GRIK2: variants seen among roughly 807,000 people sequenced by gnomAD.
GRIK2 encodes glutamate receptor ionotropic, kainate 2.
Under a neutral mutation model 100.3 loss-of-function variants are expected in GRIK2, and 32 were observed. That is an observed-to-expected ratio of 0.32 (90% CI 0.24 to 0.43). The LOEUF (loss-of-function observed/expected upper bound fraction) is 0.43. Ranked by LOEUF, GRIK2 falls within the 20% of genes least tolerant of loss-of-function variation. The pLI, the probability that GRIK2 is intolerant of heterozygous loss-of-function variation, is 1.00. For missense variants in GRIK2, 843 were observed against 1,114.9 expected, an observed-to-expected ratio of 0.76 and a Z score of 3.47; for synonymous variants, 417 against 389.4, an observed-to-expected ratio of 1.07 and a Z score of -0.83.
chr6:101,785,185 C>T (rs1265555184), intron 7 of GRIK2, among the ~76,000 whole-genome samples: 1 of 151,534 alleles, frequency 6.6e-6, no homozygotes, highest in African/African-American at 2.4e-5. Context: ...GTTGTTTGAG[C>T]TTCTTTTATA....
intron 14 of GRIK2, among the ~76,000 whole-genome samples, chr6:102,020,717 A>G (rs13201987): frequency 0.27 from 40,833 of 151,732 alleles, 5,940 homozygotes; most frequent in East Asian, 0.34. Context: ...ATTTGTCAAT[A>G]GCTATTCCTG....
intron 7 of GRIK2, among the ~76,000 whole-genome samples, chr6:101,751,494 A>G (rs1321045970): frequency 6.6e-6 from 1 of 152,216 alleles, no homozygotes; most frequent in Non-Finnish European, 1.5e-5. Flanking sequence ...TGGGCTTTAA[A>G]AACCATATAT....
At chr6:101,635,237 G>T (rs963436657) in intron 4 of GRIK2, among the ~76,000 whole-genome samples, 4 of 151,982 alleles carry the variant, frequency 2.6e-5, no homozygotes, top group African/African-American at 9.7e-5. Context: ...TAATTATTTG[G>T]ATATACTTGA....
At chr6:101,918,596 T>A (rs1402681402) in intron 12 of GRIK2, among the ~76,000 whole-genome samples, 2 of 151,756 alleles carry the variant, frequency 1.3e-5, no homozygotes, top group African/African-American at 4.8e-5. Context: ...GCTTTGCACA[T>A]ATTATCTCTC....
At chr6:101,925,987 T>C (rs1789862820) in intron 13 of GRIK2, among the ~76,000 whole-genome samples, 1 of 151,546 alleles carries the variant, frequency 6.6e-6, no homozygotes, top group Non-Finnish European at 1.5e-5. Flanking sequence ...GCCTACTAAA[T>C]TGAAATGTTT....
intron 15 of GRIK2, among the ~76,000 whole-genome samples, chr6:102,051,332 CT>C (rs768038831): frequency 8.0e-6 from 1 of 125,228 alleles, no homozygotes. Flanking sequence ...CAAGCTAGGA[CT>C]TTTTTTTACT....
chr6:101,632,999 T>C lies in GRIK2; in HGVS notation c.541+6362T>C, dbSNP rs189812325. 2.7e-3 allele frequency among the ~76,000 whole-genome samples: 413 copies of C among 152,240 alleles called. 3 individuals are homozygous for C. The highest frequency in any genetic ancestry group is 4.1e-3 in the Admixed American group (62 of 15,266). On this transcript the variant is annotated intron_variant, in intron 4 of 16. Transcript: ENST00000369134. ...TGTGCAACATGTGTAAATGTGAAGA[T>C]GACTGAGGGAGCCAGTTTGTCAGGA...
At chr6:101,540,097 T>C (rs951428859) in intron 2 of GRIK2, among the ~76,000 whole-genome samples, 6 of 151,868 alleles carry the variant, frequency 4.0e-5, no homozygotes, top group Non-Finnish European at 8.8e-5. Context: ...TTTTTAGATA[T>C]TCATTCAGAA....
Position 101,889,605 on chromosome 6 carries a change from C to CTTTTTTTTTTTTTTTTTTTTTTTTTTTT in GRIK2, c.1525-19_1525-18insTTTTTTTTTTTTTTTTTTTTTTTTTTTT. The CTTTTTTTTTTTTTTTTTTTTTTTTTTTT allele has an allele frequency of 1.5e-5, 11 of 711,240 alleles. 3 individuals carry two copies. The highest frequency in any genetic ancestry group is 6.0e-5 in the East Asian group (2 of 33,452). 44.1% of individuals were successfully genotyped at this position (711,240 alleles called of 1,614,324 possible). A position where few individuals can be genotyped will look rare whatever the true frequency, so the allele number is the denominator to read the frequency against. On this transcript the variant is annotated intron_variant, in intron 11 of 16. Coordinates refer to ENST00000369134, the MANE Select transcript of GRIK2 (RefSeq NM_021956.5). ...CAATTTTTTCTCTCTTTCTTTCTTT[C>CTTTTTTTTTTTTTTTTTTTTTTTTTTTT]TTTTTTTTTTTTTTTTGTTTGTTTC...
At chr6:101,573,495 C>CA (rs1351324610) in intron 2 of GRIK2, among the ~76,000 whole-genome samples, 2 of 152,188 alleles carry the variant, frequency 1.3e-5, no homozygotes, top group Non-Finnish European at 2.9e-5. Flanking sequence ...CTCTAATACT[C>CA]ACGTTGTTTC....
chr6:101,915,687 A>G (rs1349603451), intron 12 of GRIK2, among the ~76,000 whole-genome samples: 1 of 151,394 alleles, frequency 6.6e-6, no homozygotes, highest in Non-Finnish European at 1.5e-5. Context: ...AAAAGAATGT[A>G]ATGGCAGTGA....
chr6:101,680,157 T>A (rs1771139521), intron 5 of GRIK2, among the ~76,000 whole-genome samples: 1 of 152,208 alleles, frequency 6.6e-6, no homozygotes, highest in Admixed American at 6.5e-5. Context: ...CATAGATTTC[T>A]TCTCAAGGTG....
intron 7 of GRIK2, among the ~76,000 whole-genome samples, chr6:101,758,294 G>C (rs976258441): frequency 6.6e-6 from 1 of 152,136 alleles, no homozygotes; most frequent in African/African-American, 2.4e-5. Flanking sequence ...TATAAATGAT[G>C]AGTTAAAGCA....
At chr6:101,642,307 AAAAATATTCACATT>A (rs1781310277) in intron 4 of GRIK2, among the ~76,000 whole-genome samples, 1 of 151,828 alleles carries the variant, frequency 6.6e-6, no homozygotes, top group Admixed American at 6.6e-5. Context: ...CAGTAGTGTT[AAAAATATTCACATT>A]GTAGTGCAAC....
At chr6:101,539,633 T>G (rs1239537318) in intron 2 of GRIK2, among the ~76,000 whole-genome samples, 1 of 151,928 alleles carries the variant, frequency 6.6e-6, no homozygotes, top group African/African-American at 2.4e-5. Flanking sequence ...GTGGGCCTTC[T>G]TTTATCTTTT....
intron 11 of GRIK2, among the ~76,000 whole-genome samples, chr6:101,877,443 A>G (rs994149668): frequency 6.6e-6 from 1 of 151,984 alleles, no homozygotes; most frequent in Non-Finnish European, 1.5e-5. Context: ...GATTTAAAGT[A>G]TACAGGAGGA....
chr6:101,853,801 C>T (rs1469189904), intron 10 of GRIK2, among the ~76,000 whole-genome samples: 1 of 152,022 alleles, frequency 6.6e-6, no homozygotes, highest in East Asian at 1.9e-4. Context: ...ATGGAGGAAA[C>T]TTAAATGCTT....
intron 14 of GRIK2, among the ~76,000 whole-genome samples, chr6:102,018,872 T>A (rs1330223927): frequency 6.6e-6 from 1 of 152,080 alleles, no homozygotes; most frequent in Non-Finnish European, 1.5e-5. Context: ...TGTTTAATGA[T>A]TGTAGTAAGA....
intron 7 of GRIK2, among the ~76,000 whole-genome samples, chr6:101,694,317 A>T (rs1772321566): frequency 6.6e-6 from 1 of 152,166 alleles, no homozygotes; most frequent in Non-Finnish European, 1.5e-5. Flanking sequence ...CGGCACTCAG[A>T]TTCTAACCTG....
Sources: gnomAD v4.1 joint callset for allele counts (sites outside exome capture counted in the v4.1 genomes callset) on GRCh38, gnomAD v4.1.1 for gene constraint, MANE v1.5 for transcripts, NCBI Gene and HGNC (gene_info 2026-07-23, HGNC 2026-07-21) for gene names.